Variants in MFAP4 observed in about 807,000 individuals in gnomAD.
MFAP4 encodes microfibril associated protein 4.
Under a neutral mutation model 32.4 loss-of-function variants are expected in MFAP4, and 20 were observed. That is an observed-to-expected ratio of 0.62 (90% CI 0.43 to 0.90). The LOEUF (loss-of-function observed/expected upper bound fraction) is 0.90, where lower values mean the gene tolerates loss of function less well. MFAP4 is among the 40% of genes least tolerant of loss of function. The pLI, the probability that MFAP4 is intolerant of heterozygous loss-of-function variation, is 0.00. For missense variants in MFAP4, 267 were observed against 329.5 expected, an observed-to-expected ratio of 0.81 and a Z score of 1.47; for synonymous variants, 146 against 137.4, an observed-to-expected ratio of 1.06 and a Z score of -0.44.
chr17:19,386,560 G>T (rs1426494849), intron 2 of MFAP4, 96 bp from the exon 3 acceptor site: 1 of 1,407,282 alleles, frequency 7.1e-7, no homozygotes, highest in Non-Finnish European at 9.8e-7. Context: ...TGGGGCTGGG[G>T]GACTTTGACA....
Position 19,384,582 on chromosome 17 carries a change from G to A in MFAP4, c.648C>T (p.Asn216=). The A allele has an allele frequency of 6.2e-7, 1 of 1,614,208 alleles. No individual in the cohort carries two copies. The highest frequency in any genetic ancestry group is 8.5e-7 in the Non-Finnish European group (1 of 1,180,030). The change falls in exon 6 of 6, where the codon AAC becomes AAT. Residue 216 remains asparagine, a synonymous_variant. Transcript: ENST00000299610. The stretch of plus-strand genomic sequence containing the variant: ...AGCCACCTAGGTAGAAGCCATTGAG[G>A]TTGGCAAAGTGGCAGCTGCGGAACC... ...AFWFRSCHFA[N]LNGFYLGGSH...
chr17:19,386,815 C>T lies in MFAP4; in HGVS notation c.30G>A (p.Leu10=), dbSNP rs1212303793. The T allele has an allele frequency of 1.3e-6, 2 of 1,570,406 alleles. No homozygotes were observed. The highest frequency in any genetic ancestry group is 1.7e-6 in the Non-Finnish European group (2 of 1,157,746). ...CACACGGGGGCGTGGAGAGAAGCAGCAGCAGCGGCAGGGCCAGGAGTGCCT... is the reference window on the plus strand; with the variant it reads ...CACACGGGGGCGTGGAGAGAAGCAGTAGCAGCGGCAGGGCCAGGAGTGCCT... MKALLALPL[L]LLLSTPPCAP... is the part of the protein sequence containing the mutation. The change falls in exon 2 of 6, where the codon CTG becomes CTA. Residue 10 remains leucine, a synonymous_variant. Coordinates refer to ENST00000299610, the MANE Select transcript of MFAP4 (RefSeq NM_002404.3).
In MFAP4 at chr17:19,384,083, C is replaced by G; in HGVS notation, c.*379G>C. On this transcript the variant is annotated 3_prime_UTR_variant, in exon 6 of 6. Coordinates refer to ENST00000299610, the MANE Select transcript of MFAP4 (RefSeq NM_002404.3). ...CTAGGGTGGCCCAGACAGGGGTCCA[C>G]AGTGAGGAAGCAGGACAAGATGGAC... is the stretch of plus-strand genomic sequence containing the variant. The G allele has an allele frequency of 3.3e-6, 1 of 302,720 alleles. No individual in the cohort carries two copies. Among genetic ancestry groups the G allele is most frequent in the Non-Finnish European group, 6.5e-6 (1 of 153,720 alleles). The allele number at this position is 302,720 out of a possible 1,614,324, so 18.8% of individuals were successfully genotyped here. A position where few individuals can be genotyped will look rare whatever the true frequency, so the allele number is the denominator to read the frequency against.
In MFAP4 at chr17:19,384,491, G is replaced by T. The variant is rs775987326; in HGVS notation, c.739C>A (p.Arg247Ser). ...GCCCGGCGGATTTTCATCTCAGTGCGTTTGAGGGAGTAGTAGAAGCCCTTC... is the reference window on the plus strand; with the variant it reads ...GCCCGGCGGATTTTCATCTCAGTGCTTTTGAGGGAGTAGTAGAAGCCCTTC... ...QWKGFYYSLKRTEMKIRRA is the reference protein window; with the variant it reads ...QWKGFYYSLKSTEMKIRRA Residue 247 changes from arginine (R) to serine (S), a missense_variant, in exon 6 of 6, where the codon CGC (arginine) becomes AGC (serine). Coordinates refer to ENST00000299610, the MANE Select transcript of MFAP4 (RefSeq NM_002404.3). The T allele has an allele frequency of 2.5e-6, 4 of 1,596,798 alleles. No individual in the cohort carries two copies. Among genetic ancestry groups the T allele is most frequent in the Non-Finnish European group, 3.4e-6 (4 of 1,171,376 alleles).
chr17:19,385,240 C>A lies in MFAP4; in HGVS notation c.379G>T (p.Glu127Ter). ...AAGTCCTCCAAGTCCACTCGCAGCT[C>A]ATACTTCTGCTTCAGTGTCAGGAGG... ...MHLLTLKQKY[E>*]LRVDLEDFEN... Residue 127 changes from glutamate (E) to a stop codon, truncating the protein, a stop_gained, in exon 5 of 6, where the codon GAG (glutamate) becomes TAG (stop). Transcript: ENST00000299610. LOFTEE classifies it high-confidence loss of function. 1 of 1,614,282 alleles carries A rather than the reference C, an allele frequency of 6.2e-7. No individual in the cohort carries two copies. Among genetic ancestry groups the A allele is most frequent in the Non-Finnish European group, 8.5e-7 (1 of 1,180,040 alleles).
chr17:19,385,161 G>A lies in MFAP4; in HGVS notation c.458C>T (p.Ala153Val), dbSNP rs758770725. Residue 153 changes from alanine (A) to valine (V), a missense_variant, in exon 5 of 6, where the codon GCG becomes GTG. Physicochemically the swap from Ala to Val is moderately conservative, Grantham distance 64. Transcript: ENST00000299610. The part of the protein sequence containing the change: ...KYADFSISPN[A>V]VSAEEDGYTL... Reference sequence around the variant, plus strand: ...GTAGCCATCCTCCTCTGCGCTGACCGCGTTCGGGGAGATGGAGAAGTCAGC... The same window carrying A: ...GTAGCCATCCTCCTCTGCGCTGACCACGTTCGGGGAGATGGAGAAGTCAGC... 6.2e-7 allele frequency: 1 copy of A among 1,614,272 alleles called. No homozygotes were observed. Among genetic ancestry groups the A allele is most frequent in the Non-Finnish European group, 8.5e-7 (1 of 1,180,048 alleles).
intron 1 of MFAP4, 146 bp from the exon 2 acceptor site, chr17:19,386,984 C>CCCCCCCCCCCCCCCCCCCCA: frequency 1.1e-6 from 1 of 908,276 alleles, no homozygotes; most frequent in Non-Finnish European, 1.7e-6. Context: ...CCTGCCCCCC[C>CCCCCCCCCCCCCCCCCCCCA]ACCCCGCCCG....
chr17:19,386,927 C>T, intron 1 of MFAP4, 89 bp from the exon 2 acceptor site: 1 of 1,445,370 alleles, frequency 6.9e-7, no homozygotes. Flanking sequence ...CATGCATGCA[C>T]ATACTGCCCT....
In MFAP4 at chr17:19,384,630, T is replaced by C. The variant is rs1171733251; in HGVS notation, c.600A>G (p.Ala200=). Residue 200 remains alanine (A), a synonymous_variant, in exon 6 of 6, where the codon GCA becomes GCG. Coordinates refer to ENST00000299610, the MANE Select transcript of MFAP4 (RefSeq NM_002404.3). The part of the protein sequence containing the change: ...RDQDLFVQNC[A]ALSSGAFWFR... ...ACCAGAAGGCTCCTGAGGAGAGAGCTGCGCAGTTCTGCACAAAGAGGTCCT... is the reference window on the plus strand; with the variant it reads ...ACCAGAAGGCTCCTGAGGAGAGAGCCGCGCAGTTCTGCACAAAGAGGTCCT... 3.1e-6 allele frequency: 5 copies of C among 1,614,020 alleles called. No homozygotes were observed. The highest frequency in any genetic ancestry group is 4.2e-6 in the Non-Finnish European group (5 of 1,180,024).
At chr17:19,385,335 A>C (rs1462888543) in intron 4 of MFAP4, 23 bp downstream of exon 4, 2 of 1,614,166 alleles carry the variant, frequency 1.2e-6, no homozygotes, top group Non-Finnish European at 1.7e-6. Context: ...GCAGCCCCTC[A>C]GCCCACCTGG....
intron 1 of MFAP4, 131 bp downstream of exon 1, chr17:19,387,019 G>T (rs182926692): frequency 2.5e-6 from 3 of 1,179,048 alleles, no homozygotes; most frequent in Non-Finnish European, 3.6e-6. Flanking sequence ...TCTCTGGGAC[G>T]CTGTGTACCC....
At chr17:19,385,596 G>GC in intron 3 of MFAP4, 142 bp from the exon 4 acceptor site, 1 of 705,788 alleles carries the variant, frequency 1.4e-6, no homozygotes, top group Non-Finnish European at 2.5e-6. Context: ...AGGGTGGTGG[G>GC]AGTGGGGTTG....
chr17:19,385,278 A>G lies in MFAP4; in HGVS notation c.341T>C (p.Leu114Pro). Reference sequence around the variant, plus strand: ...CAGTGTCAGGAGGTGCATGTTCTGCAGCCCTGGGGAGGAGGGGCAGCTGGT... The same window carrying G: ...CAGTGTCAGGAGGTGCATGTTCTGCGGCCCTGGGGAGGAGGGGCAGCTGGT... ...GRADGEYWLG[L>P]QNMHLLTLKQ... Residue 114 changes from leucine to proline, a missense_variant, in exon 5 of 6, where the codon CTG becomes CCG. By Grantham distance (98) the Leu-to-Pro change is moderately conservative. Transcript: ENST00000299610. The G allele has an allele frequency of 6.2e-7, 1 of 1,614,262 alleles. No homozygotes were observed. The highest frequency in any genetic ancestry group is 8.5e-7 in the Non-Finnish European group (1 of 1,180,032).
In MFAP4 at chr17:19,384,121, C is replaced by T. The variant is rs1043059911; in HGVS notation, c.*341G>A. ...GGACAAGATGGACCACAAAGGCCTG[C>T]AGCTGGGAGAGTGGCTCCTGGCTGT... On this transcript the variant is annotated 3_prime_UTR_variant, in exon 6 of 6. Transcript: ENST00000299610. The T allele has an allele frequency of 4.9e-5, 17 of 348,542 alleles. No homozygotes were observed. Among genetic ancestry groups the T allele is most frequent in the South Asian group, 3.3e-4 (13 of 39,144 alleles). The allele number at this position is 348,542 out of a possible 1,614,324, so 21.6% of individuals were successfully genotyped here.
chr17:19,386,799 G>T lies in MFAP4; in HGVS notation c.46C>A (p.Pro16Thr). The change falls in exon 2 of 6, where the codon CCC becomes ACC. Residue 16 changes from proline to threonine, a missense_variant. Coordinates refer to ENST00000299610, the MANE Select transcript of MFAP4 (RefSeq NM_002404.3). ...ALPLLLLLST[P>T]PCAPQVSGIR... ...CCGGAGACCTGGGGGGCACACGGGGGCGTGGAGAGAAGCAGCAGCAGCGGC... is the reference window on the plus strand; with the variant it reads ...CCGGAGACCTGGGGGGCACACGGGGTCGTGGAGAGAAGCAGCAGCAGCGGC... 6 of 1,577,536 alleles carry T rather than the reference G, an allele frequency of 3.8e-6. No homozygotes were observed. The highest frequency in any genetic ancestry group is 5.2e-6 in the Non-Finnish European group (6 of 1,161,508).
In MFAP4 at chr17:19,384,663, G is replaced by A. The variant is rs746067694; in HGVS notation, c.567C>T (p.Asp189=). The change falls in exon 6 of 6, where the codon GAC becomes GAT. Residue 189 remains aspartate (D), a synonymous_variant. Coordinates refer to ENST00000299610, the MANE Select transcript of MFAP4 (RefSeq NM_002404.3). The stretch of plus-strand genomic sequence containing the variant: ...TCTGCACAAAGAGGTCCTGGTCCCG[G>A]TCGAAGGTAGAGAACTTCTGGCCAC... ...YHSGQKFSTF[D]RDQDLFVQNC... 10 of 1,614,086 alleles carry A rather than the reference G, an allele frequency of 6.2e-6. No individual in the cohort carries two copies. In the African/African-American group the frequency reaches 8.0e-5, roughly 13 times the overall value.
At position 19,384,232 on chromosome 17, in the gene MFAP4, C is replaced by T; in HGVS notation, c.*230G>A. 1.8e-6 allele frequency: 1 copy of T among 553,648 alleles called. No homozygotes were observed. Among genetic ancestry groups the T allele is most frequent in the Non-Finnish European group, 3.2e-6 (1 of 309,616 alleles). The allele number at this position is 553,648 out of a possible 1,614,324, so 34.3% of individuals were successfully genotyped here. ...GAACCATGTGCCTCTCGGAAGAGGCCTGGGGAACTGCTGGCAGTGTAACTT... is the reference window on the plus strand; with the variant it reads ...GAACCATGTGCCTCTCGGAAGAGGCTTGGGGAACTGCTGGCAGTGTAACTT... On this transcript the variant is annotated 3_prime_UTR_variant, in exon 6 of 6. Transcript: ENST00000299610.
chr17:19,385,287 G>A lies in MFAP4; in HGVS notation c.338-6C>T. The A allele has an allele frequency of 1.2e-6, 2 of 1,614,256 alleles. No homozygotes were observed. The highest frequency in any genetic ancestry group is 1.7e-6 in the Non-Finnish European group (2 of 1,180,038). ...GAGGTGCATGTTCTGCAGCCCTGGG[G>A]AGGAGGGGCAGCTGGTCAACAAGGA... is the stretch of plus-strand genomic sequence containing the variant. On this transcript the variant is annotated splice_region_variant and splice_polypyrimidine_tract_variant and intron_variant, in intron 4 of 5. Coordinates refer to ENST00000299610, the MANE Select transcript of MFAP4 (RefSeq NM_002404.3).
In MFAP4 at chr17:19,383,933, G is replaced by A. The variant is rs1215658142; in HGVS notation, c.*529C>T. ...GGGGTTCCACGGTACTCACCACAGG[G>A]GAGTAAGTTGGTGGGAGGGATGCTG... is the stretch of plus-strand genomic sequence containing the variant. On this transcript the variant is annotated 3_prime_UTR_variant, in exon 6 of 6. Transcript: ENST00000299610. 6.2e-6 allele frequency: 1 copy of A among 162,292 alleles called. No individual in the cohort carries two copies. Among genetic ancestry groups the A allele is most frequent in the Non-Finnish European group, 1.4e-5 (1 of 73,364 alleles). 10.1% of individuals were successfully genotyped at this position (162,292 alleles called of 1,614,324 possible). A position where few individuals can be genotyped will look rare whatever the true frequency, so the allele number is the denominator to read the frequency against.
Sources: allele counts gnomAD v4.1 joint callset, GRCh38; gene constraint gnomAD v4.1.1; transcripts MANE v1.5; gene names NCBI Gene and HGNC (gene_info 2026-07-23, HGNC 2026-07-21).